Variants in CXCL16 observed in about 807,000 individuals in gnomAD.
CXCL16 encodes the protein C-X-C motif chemokine ligand 16, also known as C-X-C motif chemokine 16.
A neutral mutation model predicts 23.8 loss-of-function variants in CXCL16; 18 were observed. That is an observed-to-expected ratio of 0.76 (90% CI 0.52 to 1.12). The LOEUF (loss-of-function observed/expected upper bound fraction) is 1.12. Among genes scored for constraint, CXCL16 ranks in the 50% most tolerant of loss-of-function variants. CXCL16 has a pLI of 0.00. For synonymous variants in CXCL16, 123 were observed against 132.5 expected (o/e 0.93, Z 0.49); for missense variants, 297 against 315.4 (o/e 0.94, Z 0.44).
Position 4,735,473 on chromosome 17 carries a change from G to C in CXCL16, c.337C>G (p.Gln113Glu), listed in dbSNP as rs747601018. ...GGGCTGGTAGGAAGTAAATGCTTCT[G>C]GTGGGCCACAATCCCCGAGTAAGCA... is the stretch of plus-strand genomic sequence containing the variant. ...GHAYSGIVAHQKHLLPTSPPI... is the reference protein window; with the variant it reads ...GHAYSGIVAHEKHLLPTSPPI... The change falls in exon 4 of 6, where the codon CAG (glutamine) becomes GAG (glutamate). Residue 113 changes from glutamine (Q) to glutamate (E), a missense_variant. By Grantham distance (29) the Gln-to-Glu change is conservative. Transcript: ENST00000293778. 6.6e-7 allele frequency: 1 copy of C among 1,508,508 alleles called. No homozygotes were observed. Among genetic ancestry groups the C allele is most frequent in the South Asian group, 1.3e-5 (1 of 74,484 alleles). The allele number at this position is 1,508,508 out of a possible 1,614,324, so 93.4% of individuals were successfully genotyped here.
Position 4,739,871 on chromosome 17 carries a change from A to C in CXCL16, c.-532T>G. The C allele has an allele frequency of 1.0e-6, 1 of 985,940 alleles. No homozygotes were observed. Among genetic ancestry groups the C allele is most frequent in the Non-Finnish European group, 1.2e-6 (1 of 830,436 alleles). 61.1% of individuals were successfully genotyped at this position (985,940 alleles called of 1,614,324 possible). A position where few individuals can be genotyped will look rare whatever the true frequency, so the allele number is the denominator to read the frequency against. ...GAGCCTCCCGGGCGGCCCGGTGGAG[A>C]GAGTCGCCGCCAGCCCCGGCCGCGC... On this transcript the variant is annotated 5_prime_UTR_variant, in exon 1 of 6. Coordinates refer to ENST00000293778, the MANE Select transcript of CXCL16 (RefSeq NM_001386809.1). The surrounding 1 kb of genome is among the most constrained non-coding windows in gnomAD (Gnocchi z 5.3).
In CXCL16 at chr17:4,735,384, C is replaced by G; in HGVS notation, c.426G>C (p.Leu142=). 6.3e-7 allele frequency: 1 copy of G among 1,579,180 alleles called. No homozygotes were observed. The highest frequency in any genetic ancestry group is 8.6e-7 in the Non-Finnish European group (1 of 1,158,508). ...GGCGCTGAGTGGACTGCAAGGTGGA[C>G]AGGAGCATCTGGGCAGGGGTGTGGA... ...SDIHTPAQML[L]STLQSTQRPT... The change falls in exon 4 of 6, where the codon CTG becomes CTC. Residue 142 remains leucine, a synonymous_variant. Transcript: ENST00000293778.
Position 4,739,852 on chromosome 17 carries a change from C to T in CXCL16, c.-513G>A. 2.0e-6 allele frequency: 2 copies of T among 987,294 alleles called. No homozygotes were observed. Among genetic ancestry groups the T allele is most frequent in the Non-Finnish European group, 2.4e-6 (2 of 831,152 alleles). The allele number at this position is 987,294 out of a possible 1,614,324, so 61.2% of individuals were successfully genotyped here. On this transcript the variant is annotated 5_prime_UTR_variant, in exon 1 of 6. Transcript: ENST00000293778. This position sits in a 1 kb window ranked among gnomAD's most constrained non-coding sequence, Gnocchi z 5.3. ...GGACCCAGCCGCGCTGCATGAGCCT[C>T]CCGGGCGGCCCGGTGGAGAGAGTCG... is the stretch of plus-strand genomic sequence containing the variant.
In CXCL16 at chr17:4,739,128, A is replaced by C. The variant is rs1046227467; in HGVS notation, c.79+133T>G. 7.7e-7 allele frequency: 1 copy of C among 1,296,678 alleles called. No homozygotes were observed. Among genetic ancestry groups the C allele is most frequent in the African/African-American group, 1.5e-5 (1 of 67,312 alleles). 80.3% of individuals were successfully genotyped at this position (1,296,678 alleles called of 1,614,324 possible). ...TCCCCGGGCCTCTGTCCCCAACCCC[A>C]GGCGGCTGGCTGGCTTTCCTCTTGT... On this transcript the variant is annotated intron_variant, in intron 1 of 5. Coordinates refer to ENST00000293778, the MANE Select transcript of CXCL16 (RefSeq NM_001386809.1). The surrounding 1 kb of genome is among the most constrained non-coding windows in gnomAD (Gnocchi z 5.3).
In CXCL16 at chr17:4,733,551, G is replaced by A. The variant is rs895108847; in HGVS notation, c.*952C>T. ...TTCTTCATTCGGAGAGACAAAACAAGAACTAGAGTTTTAATGATAATAAAA... is the reference window on the plus strand; with the variant it reads ...TTCTTCATTCGGAGAGACAAAACAAAAACTAGAGTTTTAATGATAATAAAA... On this transcript the variant is annotated 3_prime_UTR_variant, in exon 6 of 6. Coordinates refer to ENST00000293778, the MANE Select transcript of CXCL16 (RefSeq NM_001386809.1). The A allele has an allele frequency of 5.2e-6, 1 of 190,890 alleles. No homozygotes were observed. The highest frequency in any genetic ancestry group is 1.1e-5 in the Non-Finnish European group (1 of 92,094). The allele number at this position is 190,890 out of a possible 1,614,324, so 11.8% of individuals were successfully genotyped here. A position where few individuals can be genotyped will look rare whatever the true frequency, so the allele number is the denominator to read the frequency against.
intron 3 of CXCL16, among the ~76,000 whole-genome samples, chr17:4,735,985 G>C (rs1203129279): frequency 6.6e-6 from 1 of 152,010 alleles, no homozygotes; most frequent in Non-Finnish European, 1.5e-5. Context: ...AGGCAGAATC[G>C]CCTGAACCCA....
In CXCL16 at chr17:4,739,606, G is replaced by A. The variant is rs965747670; in HGVS notation, c.-267C>T. The A allele has an allele frequency of 1.8e-5, 12 of 663,792 alleles. No homozygotes were observed. Among genetic ancestry groups the A allele is most frequent in the Middle Eastern group, 4.2e-4 (1 of 2,380 alleles). 41.1% of individuals were successfully genotyped at this position (663,792 alleles called of 1,614,324 possible). A position where few individuals can be genotyped will look rare whatever the true frequency, so the allele number is the denominator to read the frequency against. ...TCCCGCGCCCTGCGCCCCCGCACTG[G>A]GCCCGGCTCCGTCGAGGGAAGGCCA... On this transcript the variant is annotated 5_prime_UTR_variant, in exon 1 of 6. Transcript: ENST00000293778. This position sits in a 1 kb window ranked among gnomAD's most constrained non-coding sequence, Gnocchi z 5.3.
chr17:4,739,698 C>G lies in CXCL16; in HGVS notation c.-359G>C. ...GAGGAGGGGCGGGAGGACGACGGCCCGAGGAGCCGATTCGGTTCGGTTCAG... is the reference window on the plus strand; with the variant it reads ...GAGGAGGGGCGGGAGGACGACGGCCGGAGGAGCCGATTCGGTTCGGTTCAG... On this transcript the variant is annotated 5_prime_UTR_variant, in exon 1 of 6. Transcript: ENST00000293778. This position sits in a 1 kb window ranked among gnomAD's most constrained non-coding sequence, Gnocchi z 5.3. The G allele has an allele frequency of 2.4e-6, 2 of 842,870 alleles. No homozygotes were observed. Among genetic ancestry groups the G allele is most frequent in the East Asian group, 4.4e-5 (1 of 22,584 alleles). The allele number at this position is 842,870 out of a possible 1,614,324, so 52.2% of individuals were successfully genotyped here.
At position 4,734,615 on chromosome 17, in the gene CXCL16, AGAG is replaced by A; in HGVS notation, c.753_755del (p.Ser252del). 2 of 1,611,620 alleles carry A rather than the reference AGAG, an allele frequency of 1.2e-6. No homozygotes were observed. The highest frequency in any genetic ancestry group is 1.7e-6 in the Non-Finnish European group (2 of 1,177,718). ...AGCTTCCATTCTTGGCTCAGGTATTAGAGTCAGGTGCCACAGGTATATAATGAA... is the reference window on the plus strand; with the variant it reads ...AGCTTCCATTCTTGGCTCAGGTATTATCAGGTGCCACAGGTATATAATGAA... On this transcript the variant is annotated inframe_deletion, in exon 5 of 6. Coordinates refer to ENST00000293778, the MANE Select transcript of CXCL16 (RefSeq NM_001386809.1).
rs757739811 is a variant in CXCL16, at chr17:4,734,643, AC to A, written c.727del (p.Val243PhefsTer34). The A allele has an allele frequency of 6.2e-7, 1 of 1,611,716 alleles. No individual in the cohort carries two copies. The highest frequency in any genetic ancestry group is 2.2e-5 in the East Asian group (1 of 44,866). The part of the protein sequence containing the change: ...QSPQSSPDLP[V>X]HYIPVAPDSN... ...GTCAGGTGCCACAGGTATATAATGA[AC>A]CGGCAGATCTGGAAAGGATAAAGAA... On this transcript the variant is annotated frameshift_variant, in exon 5 of 6. Coordinates refer to ENST00000293778, the MANE Select transcript of CXCL16 (RefSeq NM_001386809.1). LOFTEE classifies it high-confidence loss of function.
Position 4,738,734 on chromosome 17 carries a change from A to C in CXCL16, c.218+48T>G, listed in dbSNP as rs913573308. 3.8e-6 allele frequency: 6 copies of C among 1,599,402 alleles called. No individual in the cohort carries two copies. Among genetic ancestry groups the C allele is most frequent in the Non-Finnish European group, 5.1e-6 (6 of 1,169,666 alleles). On this transcript the variant is annotated intron_variant, in intron 2 of 5. Transcript: ENST00000293778. The surrounding 1 kb of genome is among the most constrained non-coding windows in gnomAD (Gnocchi z 4.0). ...CAGAGAGGGTCCTGGAGGCACCTGC[A>C]AGGAGGGGCCGCCCAGGCGCTGCCC...
Position 4,738,277 on chromosome 17 carries a change from C to T in CXCL16, c.301+131G>A. 1 of 708,518 alleles carries T rather than the reference C, an allele frequency of 1.4e-6. No homozygotes were observed. The highest frequency in any genetic ancestry group is 2.4e-6 in the Non-Finnish European group (1 of 409,256). 43.9% of individuals were successfully genotyped at this position (708,518 alleles called of 1,614,324 possible). On this transcript the variant is annotated intron_variant, in intron 3 of 5. Coordinates refer to ENST00000293778, the MANE Select transcript of CXCL16 (RefSeq NM_001386809.1). The surrounding 1 kb of genome is among the most constrained non-coding windows in gnomAD (Gnocchi z 4.0). The stretch of plus-strand genomic sequence containing the variant: ...GCAAACAGGGACTCGAGTCTAAGTA[C>T]TTTGGACAGGATCAGAAGAAGGTTC...
intron 4 of CXCL16, 72 bp from the exon 5 acceptor site, chr17:4,734,724 C>T (rs1438382776): frequency 1.6e-6 from 2 of 1,271,110 alleles, no homozygotes; most frequent in Non-Finnish European, 2.3e-6. Context: ...ATAGCTTGAA[C>T]TAGGGAATCA....
chr17:4,738,973 C>A lies in CXCL16; in HGVS notation c.80-53G>T. Reference sequence around the variant, plus strand: ...CATTCCCAGGCCCAGGGTCCCCACTCCGCTGTTCCCTGGCATCCAATCCAC... The same window carrying A: ...CATTCCCAGGCCCAGGGTCCCCACTACGCTGTTCCCTGGCATCCAATCCAC... On this transcript the variant is annotated intron_variant, in intron 1 of 5. Transcript: ENST00000293778. This position sits in a 1 kb window ranked among gnomAD's most constrained non-coding sequence, Gnocchi z 4.0. 6.3e-7 allele frequency: 1 copy of A among 1,593,100 alleles called. No homozygotes were observed. The highest frequency in any genetic ancestry group is 8.6e-7 in the Non-Finnish European group (1 of 1,169,558).
At chr17:4,735,604 C>T in intron 3 of CXCL16, 96 bp from the exon 4 acceptor site, 2 of 1,015,564 alleles carry the variant, frequency 2.0e-6, no homozygotes, top group Non-Finnish European at 2.7e-6. Flanking sequence ...CTTTTCCTCA[C>T]CCATCGCAAG....
intron 3 of CXCL16, chr17:4,736,393 G>C (rs1292778091): frequency 6.6e-6 from 1 of 152,350 alleles, no homozygotes; most frequent in East Asian, 1.9e-4. Context: ...CTGAAGGCCA[G>C]AAGAGGAAGG....
chr17:4,736,944 A>G (rs531003821), intron 3 of CXCL16, among the ~76,000 whole-genome samples: 1 of 151,870 alleles, frequency 6.6e-6, no homozygotes, highest in Non-Finnish European at 1.5e-5. Flanking sequence ...CAACCTCCTG[A>G]GTAGCTGGAA....
Position 4,739,212 on chromosome 17 carries a change from C to T in CXCL16, c.79+49G>A, listed in dbSNP as rs757382005. Reference sequence around the variant, plus strand: ...CTCGTGTCCCCTCCCCAACTCACCCCCTTCCCGTGACAGGGGAATCTGGGT... The same window carrying T: ...CTCGTGTCCCCTCCCCAACTCACCCTCTTCCCGTGACAGGGGAATCTGGGT... On this transcript the variant is annotated intron_variant, in intron 1 of 5. Transcript: ENST00000293778. The surrounding 1 kb of genome is among the most constrained non-coding windows in gnomAD (Gnocchi z 5.3). 8.4e-6 allele frequency: 13 copies of T among 1,554,242 alleles called. No homozygotes were observed. In the South Asian group the frequency reaches 1.2e-4, roughly 14 times the overall value.
chr17:4,734,524 ATGT>A, intron 5 of CXCL16, 45 bp from the exon 6 acceptor site: 1 of 1,133,096 alleles, frequency 8.8e-7, no homozygotes, highest in South Asian at 1.2e-5. Context: ...AGTGCCTACC[ATGT>A]TGTCAGGGGT....
Sources: gnomAD v4.1 joint callset for allele counts (sites outside exome capture counted in the v4.1 genomes callset) on GRCh38, gnomAD v4.1.1 for gene constraint, Gnocchi (gnomAD v3.1) non-coding constraint, MANE v1.5 for transcripts, NCBI Gene and HGNC (gene_info 2026-07-23, HGNC 2026-07-21) for gene names.